FLT3: variants seen among roughly 807,000 people sequenced by gnomAD.
FLT3 encodes the protein fms related receptor tyrosine kinase 3.
Under a neutral mutation model 126.6 loss-of-function variants are expected in FLT3, and 46 were observed. That is an observed-to-expected ratio of 0.36 (90% confidence interval 0.29 to 0.46). The LOEUF (loss-of-function observed/expected upper bound fraction) is 0.46, where lower values mean the gene tolerates loss of function less well. Ranked by LOEUF, FLT3 falls within the 20% of genes least tolerant of loss-of-function variation. The pLI is 1.00. For missense variants in FLT3, 1,069 were observed against 1,190.3 expected (o/e 0.90, Z 1.50); for synonymous variants, 404 against 434.4 (o/e 0.93, Z 0.87).
chr13:28,079,472 G>A (rs954299812), intron 1 of FLT3, among the ~76,000 whole-genome samples: 2 of 152,182 alleles, frequency 1.3e-5, no homozygotes, highest in South Asian at 4.2e-4. Context: ...CACATTTTCA[G>A]GTATCTTTTC....
At chr13:28,068,658 C>G (rs1877242500) in intron 2 of FLT3, among the ~76,000 whole-genome samples, 1 of 152,192 alleles carries the variant, frequency 6.6e-6, no homozygotes, top group Admixed American at 6.5e-5. Flanking sequence ...CTCCACCTCC[C>G]TGGTTCAGAT....
intron 1 of FLT3, among the ~76,000 whole-genome samples, chr13:28,078,715 CTT>C (rs757678538): frequency 5.0e-5 from 3 of 60,502 alleles, no homozygotes; most frequent in Non-Finnish European, 4.6e-5. Context: ...TTTTTCTTTT[CTT>C]TTTTTTTTTT....
At chr13:28,020,238 C>T (rs549309080) in intron 19 of FLT3, among the ~76,000 whole-genome samples, 95 of 152,326 alleles carry the variant, frequency 6.2e-4, no homozygotes, top group Non-Finnish European at 1.1e-3. Flanking sequence ...CACTGCATCT[C>T]CCCTTCCCCC....
rs550871979 is a variant in FLT3, at chr13:28,025,717, G to A, written c.2208-774C>T. Among the ~76,000 whole-genome samples the A allele has an allele frequency of 2.6e-4, 39 of 152,308 alleles. No individual in the cohort carries two copies. The East Asian group carries it at 7.3e-3, about 29-fold the overall frequency. ...TCGGACTCAGTAGGATAGCCCCTCT[G>A]TTCCAGAATATGAGTGGCTTTATAG... On this transcript the variant is annotated intron_variant, in intron 17 of 23. Transcript: ENST00000241453.
intron 9 of FLT3, among the ~76,000 whole-genome samples, chr13:28,038,613 C>T (rs533785267): frequency 5.5e-4 from 84 of 151,978 alleles, no homozygotes; most frequent in Middle Eastern, 3.4e-3. Context: ...CCACCACGCC[C>T]GGCTAATTTT....
intron 1 of FLT3, among the ~76,000 whole-genome samples, chr13:28,077,641 C>A (rs1878045416): frequency 6.6e-6 from 1 of 152,152 alleles, no homozygotes; most frequent in Admixed American, 6.6e-5. Context: ...CCCGGCCCCT[C>A]CAAATCTCAT....
intron 21 of FLT3, 98 bp downstream of exon 21, chr13:28,015,491 GT>G (rs1871759654): frequency 3.7e-6 from 2 of 545,732 alleles, no homozygotes; most frequent in Admixed American, 5.4e-5. Context: ...TGCAATACAA[GT>G]AAGACCCATC....
chr13:28,006,076 T>C (rs1389429341), intron 23 of FLT3, among the ~76,000 whole-genome samples: 4 of 152,134 alleles, frequency 2.6e-5, no homozygotes, highest in South Asian at 4.1e-4. Context: ...CTAACCAACA[T>C]AGCAAGATCC....
At chr13:28,017,072 T>C (rs529618395) in intron 20 of FLT3, among the ~76,000 whole-genome samples, 8 of 152,166 alleles carry the variant, frequency 5.3e-5, no homozygotes, top group Non-Finnish European at 1.0e-4. Flanking sequence ...TGTGTAACCA[T>C]GGGCGAGTTA....
At chr13:28,072,991 C>T (rs924828608) in intron 1 of FLT3, among the ~76,000 whole-genome samples, 3 of 150,254 alleles carry the variant, frequency 2.0e-5, no homozygotes, top group African/African-American at 7.4e-5. Context: ...GGCGACAGAG[C>T]GAGACTCCGT....
intron 18 of FLT3, 31 bp from the exon 19 acceptor site, chr13:28,023,508 C>T: frequency 6.2e-7 from 1 of 1,610,242 alleles, no homozygotes; most frequent in South Asian, 1.1e-5. Flanking sequence ...TCACTTTTGC[C>T]AAAACTCTAA....
intron 15 of FLT3, among the ~76,000 whole-genome samples, chr13:28,029,742 A>G (rs890622968): frequency 6.6e-6 from 1 of 152,230 alleles, no homozygotes; most frequent in African/African-American, 2.4e-5. Flanking sequence ...AATTCCCACT[A>G]TCAGGTGCTC....
In FLT3 at chr13:28,070,503, T is replaced by C. The variant is rs1877409478; in HGVS notation, c.153A>G (p.Ser51=). The change falls in exon 2 of 24, where the codon TCA becomes TCG. Residue 51 remains serine (S), a synonymous_variant. Coordinates refer to ENST00000241453, the MANE Select transcript of FLT3 (RefSeq NM_004119.3). ...KNNDSSVGKS[S]SYPMVSESPE... The stretch of plus-strand genomic sequence containing the variant: ...AATGTTACTTTACCATGGGATATGA[T>C]GATGACTTCCCCACTGATGAATCAT... The C allele has an allele frequency of 6.2e-7, 1 of 1,610,190 alleles. No individual in the cohort carries two copies. The highest frequency in any genetic ancestry group is 8.5e-7 in the Non-Finnish European group (1 of 1,177,090).
At chr13:28,013,336 T>G (rs1036334227) in intron 23 of FLT3, among the ~76,000 whole-genome samples, 1 of 152,228 alleles carries the variant, frequency 6.6e-6, no homozygotes, top group Non-Finnish European at 1.5e-5. Context: ...GCCCAGTACG[T>G]GCTAACTCTT....
rs5802463 is a variant in FLT3 at position 28,050,842 on chromosome 13, T to TAA, written c.615-622_615-621dup. The stretch of plus-strand genomic sequence containing the variant: ...TTTCTCCTTCTATTTGGTCCTATTT[T>TAA]AAAAAAAAAAAAGTTGTTTAGTAAA... On this transcript the variant is annotated intron_variant, in intron 5 of 23. Transcript: ENST00000241453. 9.1e-3 allele frequency among the ~76,000 whole-genome samples: 1,340 copies of TAA among 146,628 alleles called. 6 individuals are homozygous for TAA. Among genetic ancestry groups the TAA allele is most frequent in the African/African-American group, 0.015 (618 of 40,330 alleles).
Position 28,035,591 on chromosome 13 carries a change from G to C in FLT3, c.1501C>G (p.Leu501Val), listed in dbSNP as rs1195767772. Residue 501 changes from leucine to valine, a missense_variant, in exon 12 of 24, where the codon CTA becomes GTA. Transcript: ENST00000241453. ...VFGQWVSSST[L>V]NMSEAIKGFL... is the part of the protein sequence containing the mutation. Reference sequence around the variant, plus strand: ...CCTTTTATGGCTTCACTCATGTTTAGAGTACTGCTCGACACCCACTGTCCA... The same window carrying C: ...CCTTTTATGGCTTCACTCATGTTTACAGTACTGCTCGACACCCACTGTCCA... 3.1e-6 allele frequency: 5 copies of C among 1,614,018 alleles called. No homozygotes were observed. The African/African-American group carries it at 6.7e-5, about 22-fold the overall frequency.
chr13:28,065,498 C>T (rs1348082807), intron 2 of FLT3, among the ~76,000 whole-genome samples: 1 of 152,146 alleles, frequency 6.6e-6, no homozygotes, highest in East Asian at 1.9e-4. Context: ...AAAAATTAGC[C>T]AGGCATGGTG....
At chr13:28,071,686 C>G (rs2137791165) in intron 1 of FLT3, among the ~76,000 whole-genome samples, 1 of 152,192 alleles carries the variant, frequency 6.6e-6, no homozygotes, top group African/African-American at 2.4e-5. Flanking sequence ...GTTGGTCCGA[C>G]TCCCCAGAGA....
rs768723625 is a variant in FLT3 at position 28,015,660 on chromosome 13, A to G, written c.2583T>C (p.Phe861=). The G allele has an allele frequency of 6.2e-7, 1 of 1,611,266 alleles. No homozygotes were observed. The highest frequency in any genetic ancestry group is 8.5e-7 in the Non-Finnish European group (1 of 1,178,824). The change falls in exon 21 of 24, where the codon TTT becomes TTC. Residue 861 remains phenylalanine, a synonymous_variant. Transcript: ENST00000241453. ...PVKWMAPESL[F]EGIYTIKSDV... The stretch of plus-strand genomic sequence containing the variant: ...CACTCTTAATGGTGTAGATGCCTTC[A>G]AACAGGCTTTCGGGGGCCATCCATT...
Sources: gnomAD v4.1 joint callset for allele counts (sites outside exome capture counted in the v4.1 genomes callset) on GRCh38, gnomAD v4.1.1 for gene constraint, MANE v1.5 for transcripts, NCBI Gene and HGNC (gene_info 2026-07-23, HGNC 2026-07-21) for gene names.